B3GLCT: variants seen among roughly 807,000 people sequenced by gnomAD.
B3GLCT encodes beta 3-glucosyltransferase, also known as beta-1,3-glucosyltransferase.
B3GLCT carries 65 observed loss-of-function variants against 63.4 expected under a neutral mutation model. That is an observed-to-expected ratio of 1.03 (90% CI 0.84 to 1.26). B3GLCT has a LOEUF of 1.26. Ranked by LOEUF, B3GLCT falls within the 50% of genes most tolerant of loss-of-function variation. B3GLCT has a pLI of 0.00. For synonymous variants in B3GLCT, 233 were observed against 219.2 expected (o/e 1.06, Z -0.55); for missense variants, 577 against 604.8 (o/e 0.95, Z 0.48).
At chr13:31,271,778 G>A (rs1243869231) in intron 8 of B3GLCT, among the ~76,000 whole-genome samples, 1 of 152,048 alleles carries the variant, frequency 6.6e-6, no homozygotes, top group Admixed American at 6.5e-5. Flanking sequence ...ATTTACTAAG[G>A]GAGGAATGTA....
chr13:31,228,185 C>T (rs569313135), intron 3 of B3GLCT, among the ~76,000 whole-genome samples: 31 of 146,792 alleles, frequency 2.1e-4, no homozygotes, highest in South Asian at 1.8e-3. Context: ...CAGGACTTCA[C>T]GCTAAAGCCC....
In B3GLCT at chr13:31,329,876, T is replaced by G. The variant is rs776319296; in HGVS notation, c.*208T>G. 1.7e-6 allele frequency: 1 copy of G among 593,056 alleles called. No individual in the cohort carries two copies. Among genetic ancestry groups the G allele is most frequent in the Non-Finnish European group, 3.0e-6 (1 of 335,384 alleles). 36.7% of individuals were successfully genotyped at this position (593,056 alleles called of 1,614,324 possible). On this transcript the variant is annotated 3_prime_UTR_variant, in exon 15 of 15. Transcript: ENST00000343307. ...ATTTTTTTTTCTGGGAAAAATCACT[T>G]GCTTTTGACTTATGCAGTTGTTTTA...
At chr13:31,249,017 G>A (rs1871312775) in intron 6 of B3GLCT, among the ~76,000 whole-genome samples, 1 of 152,190 alleles carries the variant, frequency 6.6e-6, no homozygotes, top group Non-Finnish European at 1.5e-5. Flanking sequence ...GATAAGCAGA[G>A]ATGGGCCCTT....
At position 31,274,501 on chromosome 13, in the gene B3GLCT, C is replaced by A; in HGVS notation, c.661-8C>A. 1 of 1,614,186 alleles carries A rather than the reference C, an allele frequency of 6.2e-7. No homozygotes were observed. Among genetic ancestry groups the A allele is most frequent in the Admixed American group, 1.7e-5 (1 of 60,026 alleles). On this transcript the variant is annotated splice_polypyrimidine_tract_variant and splice_region_variant and intron_variant, in intron 8 of 14. Transcript: ENST00000343307. Reference sequence around the variant, plus strand: ...TTTCATCACTGCCTGTCTCCTGTCTCGTGGCAGATTGCCCTCTACATCTGG... The same window carrying A: ...TTTCATCACTGCCTGTCTCCTGTCTAGTGGCAGATTGCCCTCTACATCTGG...
At chr13:31,308,564 T>C (rs1007678625) in intron 12 of B3GLCT, among the ~76,000 whole-genome samples, 3 of 151,938 alleles carry the variant, frequency 2.0e-5, no homozygotes, top group African/African-American at 2.4e-5. Context: ...TGTACACCCA[T>C]GTGCAATTGT....
rs1438355729 is a variant in B3GLCT at position 31,332,152 on chromosome 13, CTTG to C, written c.*2489_*2491del. The C allele has an allele frequency of 7.2e-5, 11 of 152,246 alleles. No homozygotes were observed. The highest frequency in any genetic ancestry group is 5.8e-4 in the East Asian group (3 of 5,174). 9.4% of individuals were successfully genotyped at this position (152,246 alleles called of 1,614,324 possible). A position where few individuals can be genotyped will look rare whatever the true frequency, so the allele number is the denominator to read the frequency against. On this transcript the variant is annotated 3_prime_UTR_variant, in exon 15 of 15. Transcript: ENST00000343307. The stretch of plus-strand genomic sequence containing the variant: ...GCATTTCTGGGTTTATTGAAGACCT[CTTG>C]TTGTATATATCCTCAAAAATTAATG...
At chr13:31,262,900 A>C (rs1593282110) in intron 7 of B3GLCT, among the ~76,000 whole-genome samples, 1 of 151,978 alleles carries the variant, frequency 6.6e-6, no homozygotes, top group African/African-American at 2.4e-5. Context: ...CGTGGCTGTG[A>C]TTTTTCTGAC....
rs1875860163 is a variant in B3GLCT, at chr13:31,330,458, T to C, written c.*790T>C. 6.6e-6 allele frequency: 1 copy of C among 152,116 alleles called. No homozygotes were observed. Among genetic ancestry groups the C allele is most frequent in the Non-Finnish European group, 1.5e-5 (1 of 68,024 alleles). 9.4% of individuals were successfully genotyped at this position (152,116 alleles called of 1,614,324 possible). A position where few individuals can be genotyped will look rare whatever the true frequency, so the allele number is the denominator to read the frequency against. ...TAGTGTCCTCAATATTTTAAAACAA[T>C]GTTGACATGTTTTGTTCAAGTCAGC... On this transcript the variant is annotated 3_prime_UTR_variant, in exon 15 of 15. Transcript: ENST00000343307.
chr13:31,246,261 G>A (rs1381697587), intron 4 of B3GLCT, among the ~76,000 whole-genome samples: 1 of 152,040 alleles, frequency 6.6e-6, no homozygotes, highest in African/African-American at 2.4e-5. Flanking sequence ...TTTGACTTTT[G>A]GCTTTTGTAA....
intron 3 of B3GLCT, among the ~76,000 whole-genome samples, chr13:31,226,438 C>A (rs929844038): frequency 5.3e-4 from 80 of 152,238 alleles, no homozygotes; most frequent in African/African-American, 1.9e-3. Flanking sequence ...AGGACATGAC[C>A]CAGGTATGGG....
chr13:31,296,755 T>C (rs932084632), intron 12 of B3GLCT, among the ~76,000 whole-genome samples: 1 of 152,224 alleles, frequency 6.6e-6, no homozygotes, highest in Admixed American at 6.5e-5. Context: ...TTTTTCCTTT[T>C]TTTTTTAATT....
At chr13:31,204,153 T>A (rs1259032834) in intron 1 of B3GLCT, among the ~76,000 whole-genome samples, 1 of 152,170 alleles carries the variant, frequency 6.6e-6, no homozygotes, top group Non-Finnish European at 1.5e-5. Context: ...TGTGAGAACA[T>A]GCTGCAGGGA....
intron 2 of B3GLCT, among the ~76,000 whole-genome samples, chr13:31,219,832 T>G (rs139563299): frequency 2.5e-4 from 38 of 152,360 alleles, no homozygotes; most frequent in African/African-American, 8.7e-4. Flanking sequence ...AAAGAGGAAC[T>G]GCTTTTGTCT....
intron 1 of B3GLCT, among the ~76,000 whole-genome samples, chr13:31,212,667 C>T (rs2137741509): frequency 6.6e-6 from 1 of 152,286 alleles, no homozygotes; most frequent in African/African-American, 2.4e-5. Flanking sequence ...GCCTTGGCCT[C>T]CCGAAGTGCT....
intron 13 of B3GLCT, among the ~76,000 whole-genome samples, chr13:31,323,454 G>A (rs948217540): frequency 2.0e-5 from 3 of 152,178 alleles, no homozygotes; most frequent in African/African-American, 7.2e-5. Context: ...TTCAGTTATT[G>A]AGCTTTTTAT....
intron 7 of B3GLCT, among the ~76,000 whole-genome samples, chr13:31,267,642 C>T (rs921367594): frequency 2.0e-5 from 3 of 152,196 alleles, no homozygotes; most frequent in African/African-American, 7.2e-5. Flanking sequence ...GTGCTACCTG[C>T]TACCAAGCTG....
intron 8 of B3GLCT, among the ~76,000 whole-genome samples, chr13:31,270,939 A>G (rs1417200371): frequency 1.3e-5 from 2 of 151,780 alleles, no homozygotes; most frequent in South Asian, 2.1e-4. Flanking sequence ...CAGCAAAGAG[A>G]GGGGGTCCTG....
Position 31,274,779 on chromosome 13 carries a change from G to C in B3GLCT, c.780+151G>C, listed in dbSNP as rs1053631588. The stretch of plus-strand genomic sequence containing the variant: ...GGTATATTGTGTGATGCTAAGGTTT[G>C]GGCTTCTGCTGATTCTGTCACCCAA... On this transcript the variant is annotated intron_variant, in intron 9 of 14. Coordinates refer to ENST00000343307, the MANE Select transcript of B3GLCT (RefSeq NM_194318.4). 323 of 998,080 alleles carry C rather than the reference G, an allele frequency of 3.2e-4. 1 individual carries two copies. Among genetic ancestry groups the C allele is most frequent in the Non-Finnish European group, 4.6e-4 (303 of 660,982 alleles). The allele number at this position is 998,080 out of a possible 1,614,324, so 61.8% of individuals were successfully genotyped here.
At chr13:31,260,364 T>TC (rs1871965677) in intron 6 of B3GLCT, 1 of 152,498 alleles carries the variant, frequency 6.6e-6, no homozygotes, top group South Asian at 2.1e-4. Context: ...ATAATAGATT[T>TC]CCCTCTCTTT....
Sources: gnomAD v4.1 joint callset for allele counts (sites outside exome capture counted in the v4.1 genomes callset) on GRCh38, gnomAD v4.1.1 for gene constraint, MANE v1.5 for transcripts, NCBI Gene and HGNC (gene_info 2026-07-23, HGNC 2026-07-21) for gene names.